The following TFEC variants were observed in gnomAD, a reference collection of about 807,000 sequenced individuals.
The protein encoded by TFEC is transcription factor EC.
A neutral mutation model predicts 41.6 loss-of-function variants in TFEC; 31 were observed. The ratio of observed to expected loss-of-function variants is 0.74; its 90% CI spans 0.56 to 1.01. The LOEUF is 1.01. Ranked by LOEUF, TFEC falls within the 50% of genes least tolerant of loss-of-function variation. TFEC has a pLI of 0.00. For missense variants in TFEC, 402 were observed against 404.1 expected (o/e 0.99, Z 0.04); for synonymous variants, 143 against 140.6 (o/e 1.02, Z -0.12).
chr7:116,148,981 A>G (rs1798703151), intron 1 of TFEC, among the ~76,000 whole-genome samples: 1 of 152,210 alleles, frequency 6.6e-6, no homozygotes, highest in Non-Finnish European at 1.5e-5. Flanking sequence ...GGATCCAGAA[A>G]GAATGATTGA....
chr7:116,154,207 A>T (rs768174766), intron 1 of TFEC, among the ~76,000 whole-genome samples: 64 of 152,128 alleles, frequency 4.2e-4, no homozygotes, highest in Non-Finnish European at 8.1e-4. Context: ...GTACTGGGTG[A>T]CCTATGAAAT....
intron 1 of TFEC, among the ~76,000 whole-genome samples, chr7:116,028,520 T>C (rs1795669015): frequency 6.6e-6 from 1 of 152,210 alleles, no homozygotes. Flanking sequence ...ACACCCCCAG[T>C]AAAATCTGTG....
At chr7:116,038,984 T>C (rs1028990378) in intron 3 of TFEC, among the ~76,000 whole-genome samples, 1 of 152,080 alleles carries the variant, frequency 6.6e-6, no homozygotes, top group African/African-American at 2.4e-5. Context: ...GAAAACCATA[T>C]ACAGATTTTT....
intron 1 of TFEC, among the ~76,000 whole-genome samples, chr7:116,015,489 GC>G (rs1455888169): frequency 1.3e-5 from 2 of 152,134 alleles, no homozygotes; most frequent in Non-Finnish European, 2.9e-5. Context: ...TGTTCTTACA[GC>G]CCCGATGACA....
chr7:115,947,712 T>C (rs571168708), intron 6 of TFEC, among the ~76,000 whole-genome samples: 54 of 150,206 alleles, frequency 3.6e-4, no homozygotes, highest in Middle Eastern at 6.9e-3. Context: ...GCTGCATAAA[T>C]GTCTTCTTTT....
chr7:115,962,157 A>G (rs1792590815), intron 3 of TFEC, among the ~76,000 whole-genome samples: 1 of 151,824 alleles, frequency 6.6e-6, no homozygotes, highest in African/African-American at 2.4e-5. Flanking sequence ...AGGCTTATAC[A>G]CTGAAAACTA....
rs1180977397 is a variant in TFEC, at chr7:115,935,560, T to C, written c.*4991A>G. The stretch of plus-strand genomic sequence containing the variant: ...TTTGCTTTTAAAATTCAGTATCATA[T>C]TTAAAGAACAATATGTAACTTCTTG... On this transcript the variant is annotated 3_prime_UTR_variant, in exon 8 of 8. Coordinates refer to ENST00000265440, the MANE Select transcript of TFEC (RefSeq NM_012252.4). 1 of 151,838 alleles carries C rather than the reference T, an allele frequency of 6.6e-6. No individual in the cohort carries two copies. The highest frequency in any genetic ancestry group is 1.5e-5 in the Non-Finnish European group (1 of 67,662). 9.4% of individuals were successfully genotyped at this position (151,838 alleles called of 1,614,324 possible). A position where few individuals can be genotyped will look rare whatever the true frequency, so the allele number is the denominator to read the frequency against.
At chr7:116,079,272 G>A (rs897486666) in intron 3 of TFEC, among the ~76,000 whole-genome samples, 3 of 152,034 alleles carry the variant, frequency 2.0e-5, no homozygotes, top group Non-Finnish European at 4.4e-5. Context: ...ACTGGCACAA[G>A]ACAAGGATGC....
intron 7 of TFEC, chr7:115,941,595 TTTG>T: frequency 5.6e-6 from 2 of 355,032 alleles, no homozygotes; most frequent in Non-Finnish European, 5.0e-6. Flanking sequence ...CATTTTGTAA[TTTG>T]TTGTCATTAT....
At position 115,940,281 on chromosome 7, in the gene TFEC, T is replaced by C. The variant is rs923182105; in HGVS notation, c.*270A>G. On this transcript the variant is annotated 3_prime_UTR_variant, in exon 8 of 8. Coordinates refer to ENST00000265440, the MANE Select transcript of TFEC (RefSeq NM_012252.4). ...AAAACATCAATAAAGAGCTATTTCT[T>C]ATGCTGTACCTCTTTTCAGGAAAAC... The C allele has an allele frequency of 6.2e-6, 2 of 320,636 alleles. No individual in the cohort carries two copies. Among genetic ancestry groups the C allele is most frequent in the African/African-American group, 4.3e-5 (2 of 46,538 alleles). 19.9% of individuals were successfully genotyped at this position (320,636 alleles called of 1,614,324 possible).
chr7:116,097,410 T>C lies in TFEC; in HGVS notation c.198+13298A>G, dbSNP rs985153371. Among the ~76,000 whole-genome samples the C allele has an allele frequency of 2.0e-5, 3 of 152,134 alleles. No homozygotes were observed. In the South Asian group the frequency reaches 6.2e-4, roughly 32 times the overall value. On this transcript the variant is annotated intron_variant, in intron 3 of 8. Coordinates refer to the TFEC transcript ENST00000484212. Reference sequence around the variant, plus strand: ...CAGTCAGATATTAACAACAACATAATAAAATAGAACAATTATAACAATATG... The same window carrying C: ...CAGTCAGATATTAACAACAACATAACAAAATAGAACAATTATAACAATATG...
intron 3 of TFEC, among the ~76,000 whole-genome samples, chr7:115,968,893 A>G (rs1248086305): frequency 2.0e-5 from 3 of 151,880 alleles, no homozygotes; most frequent in African/African-American, 7.2e-5. Flanking sequence ...AAATTTTAAT[A>G]GGCAATAACA....
At chr7:115,957,389 T>G (rs1792292728) in intron 3 of TFEC, among the ~76,000 whole-genome samples, 1 of 151,868 alleles carries the variant, frequency 6.6e-6, no homozygotes, top group Non-Finnish European at 1.5e-5. Flanking sequence ...AAAAGTAGTC[T>G]AAAACTACTT....
intron 1 of TFEC, among the ~76,000 whole-genome samples, chr7:116,139,437 G>A (rs73464405): frequency 0.032 from 4,898 of 152,106 alleles, 266 homozygotes; most frequent in African/African-American, 0.11. Context: ...AACCTTCTCC[G>A]TTCAAGAGCC....
At chr7:115,949,879 A>G (rs1360188185) in intron 6 of TFEC, among the ~76,000 whole-genome samples, 2 of 152,184 alleles carry the variant, frequency 1.3e-5, no homozygotes, top group Non-Finnish European at 2.9e-5. Context: ...GAGCTTCTGC[A>G]CAGCAAAGGA....
chr7:116,049,138 C>T (rs1243064574), intron 3 of TFEC, among the ~76,000 whole-genome samples: 1 of 152,092 alleles, frequency 6.6e-6, no homozygotes, highest in East Asian at 1.9e-4. Context: ...CAATATTAAC[C>T]TTAAATGTAA....
chr7:116,107,627 TG>T (rs1797750817), intron 3 of TFEC, among the ~76,000 whole-genome samples: 1 of 152,146 alleles, frequency 6.6e-6, no homozygotes. Context: ...CTCTCTTTCC[TG>T]GAAATAGCAG....
intron 1 of TFEC, among the ~76,000 whole-genome samples, chr7:116,113,029 A>G (rs970014465): frequency 2.0e-5 from 3 of 151,988 alleles, no homozygotes; most frequent in African/African-American, 7.2e-5. Context: ...GGAATTCACT[A>G]GGAGATAGGG....
intron 3 of TFEC, among the ~76,000 whole-genome samples, chr7:116,096,390 C>T (rs954100596): frequency 7.9e-5 from 12 of 151,888 alleles, no homozygotes; most frequent in South Asian, 6.2e-4. Context: ...CATTTGGTGA[C>T]GAAATTAAAC....
Sources: gnomAD v4.1 joint callset for allele counts (sites outside exome capture counted in the v4.1 genomes callset) on GRCh38, gnomAD v4.1.1 for gene constraint, MANE v1.5 for transcripts, NCBI Gene and HGNC (gene_info 2026-07-23, HGNC 2026-07-21) for gene names.